The following HAO1 variants were observed in gnomAD, a reference collection of about 807,000 sequenced individuals.
The protein encoded by HAO1 is hydroxyacid oxidase 1, also known as 2-Hydroxyacid oxidase 1.
HAO1 carries 34 observed loss-of-function variants against 39.7 expected under a neutral mutation model. That is an observed-to-expected ratio of 0.86 (90% CI 0.65 to 1.14). The LOEUF (loss-of-function observed/expected upper bound fraction) is 1.14. Among genes scored for constraint, HAO1 ranks in the 50% most tolerant of loss-of-function variants. HAO1 has a pLI of 0.00. For synonymous variants in HAO1, 172 were observed against 173.2 expected (o/e 0.99, Z 0.05); for missense variants, 479 against 464.5 (o/e 1.03, Z -0.29).
chr20:7,928,254 C>A (rs6055400), intron 2 of HAO1, among the ~76,000 whole-genome samples: 2 of 152,070 alleles, frequency 1.3e-5, no homozygotes, highest in South Asian at 4.1e-4. Flanking sequence ...ATAGTGCAGT[C>A]GAAAGAAGTG....
intron 1 of HAO1, among the ~76,000 whole-genome samples, chr20:7,937,017 C>A (rs2050415859): frequency 6.6e-6 from 1 of 152,050 alleles, no homozygotes; most frequent in Non-Finnish European, 1.5e-5. Context: ...ATTGGTTCAA[C>A]TGGCAAACAG....
chr20:7,933,250 CAT>C (rs1266316503), intron 2 of HAO1, among the ~76,000 whole-genome samples: 1 of 152,034 alleles, frequency 6.6e-6, no homozygotes, highest in African/African-American at 2.4e-5. Context: ...TTCACAGTCT[CAT>C]ATTTTTTTTC....
chr20:7,931,501 T>C (rs1354159431), intron 2 of HAO1, among the ~76,000 whole-genome samples: 1 of 152,186 alleles, frequency 6.6e-6, no homozygotes, highest in Non-Finnish European at 1.5e-5. Flanking sequence ...ACCTGGCGTG[T>C]ACCTCAGTTT....
At chr20:7,907,840 G>T (rs1264211662) in intron 3 of HAO1, among the ~76,000 whole-genome samples, 1 of 152,082 alleles carries the variant, frequency 6.6e-6, no homozygotes, top group Non-Finnish European at 1.5e-5. Context: ...ATACACAATA[G>T]AATCATTCCT....
chr20:7,909,384 T>C (rs866444356), intron 3 of HAO1, among the ~76,000 whole-genome samples: 1 of 83,630 alleles, frequency 1.2e-5, no homozygotes, highest in African/African-American at 5.3e-5. Flanking sequence ...TATATGTATA[T>C]ATATATATAT....
chr20:7,931,339 A>G (rs2050384721), intron 2 of HAO1, among the ~76,000 whole-genome samples: 1 of 152,192 alleles, frequency 6.6e-6, no homozygotes, highest in Non-Finnish European at 1.5e-5. Context: ...CTAGGGGATC[A>G]TAATGGGCTT....
At chr20:7,889,817 T>G (rs1196375674) in intron 5 of HAO1, among the ~76,000 whole-genome samples, 1 of 152,204 alleles carries the variant, frequency 6.6e-6, no homozygotes, top group Non-Finnish European at 1.5e-5. Context: ...AACACAATAC[T>G]GTGAAGATGT....
chr20:7,883,513 G>A lies in HAO1; in HGVS notation c.*80C>T, dbSNP rs1165348803. 1.3e-5 allele frequency: 13 copies of A among 1,007,072 alleles called. No individual in the cohort carries two copies. In the East Asian group the frequency reaches 2.9e-4, roughly 22 times the overall value. 62.4% of individuals were successfully genotyped at this position (1,007,072 alleles called of 1,614,324 possible). ...TTGAAGTGGGGAATTACAGACTGTG[G>A]TCACCCTCTGCACAGTGTCTCTTTG... is the stretch of plus-strand genomic sequence containing the variant. On this transcript the variant is annotated 3_prime_UTR_variant, in exon 8 of 8. Transcript: ENST00000378789.
At chr20:7,900,403 C>T (rs867354487) in intron 4 of HAO1, among the ~76,000 whole-genome samples, 6 of 152,118 alleles carry the variant, frequency 3.9e-5, no homozygotes, top group Non-Finnish European at 7.4e-5. Context: ...GGCATTGTGG[C>T]AACCCCGCAT....
At chr20:7,909,274 A>G (rs921324529) in intron 3 of HAO1, among the ~76,000 whole-genome samples, 28 of 151,174 alleles carry the variant, frequency 1.9e-4, no homozygotes, top group African/African-American at 6.8e-4. Flanking sequence ...AAGTTTTCAG[A>G]TATCTTGACA....
chr20:7,900,720 C>A (rs2050217786), intron 4 of HAO1, among the ~76,000 whole-genome samples: 1 of 152,168 alleles, frequency 6.6e-6, no homozygotes, highest in African/African-American at 2.4e-5. Flanking sequence ...GAAATCAGAC[C>A]AACTAATAAC....
At chr20:7,907,620 T>C (rs1447986666) in intron 3 of HAO1, among the ~76,000 whole-genome samples, 1 of 152,064 alleles carries the variant, frequency 6.6e-6, no homozygotes, top group African/African-American at 2.4e-5. Flanking sequence ...TACCACTGAG[T>C]TGCTTCCTTC....
intron 1 of HAO1, among the ~76,000 whole-genome samples, chr20:7,935,934 C>T (rs2050407972): frequency 6.6e-6 from 1 of 151,942 alleles, no homozygotes; most frequent in Non-Finnish European, 1.5e-5. Context: ...CTAGATGTAA[C>T]TCTACTTCCA....
At chr20:7,931,644 T>C (rs1052512915) in intron 2 of HAO1, among the ~76,000 whole-genome samples, 2 of 152,174 alleles carry the variant, frequency 1.3e-5, no homozygotes, top group African/African-American at 4.8e-5. Flanking sequence ...GTTAAATAAA[T>C]CTAAGGGGAT....
At chr20:7,896,112 A>G (rs1248245899) in intron 4 of HAO1, among the ~76,000 whole-genome samples, 1 of 149,864 alleles carries the variant, frequency 6.7e-6, no homozygotes, top group Non-Finnish European at 1.5e-5. Context: ...ATCTCTAATC[A>G]TGTTTTAAAA....
intron 7 of HAO1, among the ~76,000 whole-genome samples, chr20:7,884,756 A>G (rs1205924405): frequency 2.6e-5 from 4 of 152,292 alleles, no homozygotes; most frequent in East Asian, 1.9e-4. Flanking sequence ...GTAAACCACT[A>G]TAAAGACTCT....
chr20:7,912,216 G>A (rs561787195), intron 3 of HAO1, among the ~76,000 whole-genome samples: 1 of 152,216 alleles, frequency 6.6e-6, no homozygotes, highest in African/African-American at 2.4e-5. Flanking sequence ...ATCTGGGAAG[G>A]AGCCCAGGAG....
intron 3 of HAO1, 89 bp downstream of exon 3, chr20:7,914,075 G>A (rs2050294084): frequency 7.2e-7 from 1 of 1,384,164 alleles, no homozygotes; most frequent in Non-Finnish European, 1.0e-6. Flanking sequence ...TAGATGTTTA[G>A]CAACGTTGCT....
intron 2 of HAO1, among the ~76,000 whole-genome samples, chr20:7,922,743 C>T (rs559047966): frequency 6.6e-6 from 1 of 152,042 alleles, no homozygotes; most frequent in Admixed American, 6.6e-5. Flanking sequence ...CTTGCATAGT[C>T]CAAACATCAA....
Sources: gnomAD v4.1 joint callset for allele counts (sites outside exome capture counted in the v4.1 genomes callset) on GRCh38, gnomAD v4.1.1 for gene constraint, MANE v1.5 for transcripts, NCBI Gene and HGNC (gene_info 2026-07-23, HGNC 2026-07-21) for gene names.